The following PACSIN1 variants were observed in gnomAD, a reference collection of about 807,000 sequenced individuals.
PACSIN1 encodes protein kinase C and casein kinase substrate in neurons protein 1.
Under a neutral mutation model 59.5 loss-of-function variants are expected in PACSIN1, and 15 were observed. That is an observed-to-expected ratio of 0.25 (90% CI 0.17 to 0.39). The LOEUF is 0.39. PACSIN1 is among the 10% of genes least tolerant of loss of function. PACSIN1 has a pLI of 1.00. For missense variants in PACSIN1, 420 were observed against 580.2 expected, an observed-to-expected ratio of 0.72 and a Z score of 2.84; for synonymous variants, 210 against 220.6, an observed-to-expected ratio of 0.95 and a Z score of 0.42.
chr6:34,499,704 G>A (rs1366891899), intron 1 of PACSIN1, among the ~76,000 whole-genome samples: 1 of 152,014 alleles, frequency 6.6e-6, no homozygotes, highest in African/African-American at 2.4e-5. Context: ...GCTGAGGCAG[G>A]AGAATTGCTT....
intron 1 of PACSIN1, among the ~76,000 whole-genome samples, chr6:34,501,846 T>G (rs531537954): frequency 5.6e-4 from 85 of 151,978 alleles, no homozygotes; most frequent in Non-Finnish European, 8.5e-4. Context: ...CTGGCTAACA[T>G]GGTGAAACCC....
intron 1 of PACSIN1, among the ~76,000 whole-genome samples, chr6:34,500,846 A>G (rs1410334070): frequency 3.3e-5 from 5 of 152,252 alleles, no homozygotes; most frequent in African/African-American, 7.2e-5. Flanking sequence ...TGCAGCTTCT[A>G]CATCAGCACT....
In PACSIN1 at chr6:34,528,466, G is replaced by C. The variant is rs375818481; in HGVS notation, c.221-176G>C. Among the ~76,000 whole-genome samples, 32 of 152,348 alleles carry C rather than the reference G, an allele frequency of 2.1e-4. No homozygotes were observed. The East Asian group carries it at 5.8e-3, about 28-fold the overall frequency. On this transcript the variant is annotated intron_variant, in intron 3 of 9. Coordinates refer to ENST00000244458, the MANE Select transcript of PACSIN1 (RefSeq NM_020804.5). The stretch of plus-strand genomic sequence containing the variant: ...ATGGCAGGAGGGCAGAGCAGTCAGG[G>C]AAGGCTTCCTGGAGGTGGTGGCTGA...
At chr6:34,524,758 G>A (rs549884705) in intron 1 of PACSIN1, among the ~76,000 whole-genome samples, 1 of 152,268 alleles carries the variant, frequency 6.6e-6, no homozygotes, top group South Asian at 2.1e-4. Flanking sequence ...CCGGGTGAAG[G>A]GTGTGTACCC....
At chr6:34,524,034 T>C (rs1767442119) in intron 1 of PACSIN1, among the ~76,000 whole-genome samples, 1 of 152,072 alleles carries the variant, frequency 6.6e-6, no homozygotes, top group Non-Finnish European at 1.5e-5. Context: ...ACACAGCAGG[T>C]TGGTAGCAGA....
At chr6:34,492,830 G>A (rs1176195722) in intron 1 of PACSIN1, among the ~76,000 whole-genome samples, 1 of 152,256 alleles carries the variant, frequency 6.6e-6, no homozygotes, top group Non-Finnish European at 1.5e-5. Flanking sequence ...GAAGGAGGGA[G>A]CTGTGGGTCA....
intron 1 of PACSIN1, among the ~76,000 whole-genome samples, chr6:34,473,394 C>T (rs565611227): frequency 6.6e-6 from 1 of 152,282 alleles, no homozygotes; most frequent in Non-Finnish European, 1.5e-5. Flanking sequence ...TGCTGCAGGG[C>T]ACTTTAAATG....
intron 1 of PACSIN1, among the ~76,000 whole-genome samples, chr6:34,476,434 C>CCT (rs1241393234): frequency 6.6e-6 from 1 of 152,008 alleles, no homozygotes; most frequent in African/African-American, 2.4e-5. Flanking sequence ...CTCCCTCCCC[C>CCT]CTCCACCAGC....
intron 1 of PACSIN1, among the ~76,000 whole-genome samples, chr6:34,507,975 C>G (rs1456216772): frequency 5.3e-5 from 8 of 152,222 alleles, no homozygotes; most frequent in African/African-American, 1.9e-4. Context: ...ATTGTTTCCA[C>G]ATCTTGGTAA....
In PACSIN1 at chr6:34,532,342, G is replaced by T; in HGVS notation, c.1226-79G>T. On this transcript the variant is annotated intron_variant, in intron 9 of 9. Transcript: ENST00000244458. This position sits in a 1 kb window ranked among gnomAD's most constrained non-coding sequence, Gnocchi z 5.2. ...GTGCAGTAATCAGGAGGTGGGTATT[G>T]GAGGGTTCCCCTAGCAGCCGGTGCG... 1.0e-6 allele frequency: 1 copy of T among 964,508 alleles called. No homozygotes were observed. The highest frequency in any genetic ancestry group is 1.6e-6 in the Non-Finnish European group (1 of 619,678). The allele number at this position is 964,508 out of a possible 1,614,324, so 59.7% of individuals were successfully genotyped here. A position where few individuals can be genotyped will look rare whatever the true frequency, so the allele number is the denominator to read the frequency against.
chr6:34,533,056 T>TA lies in PACSIN1; in HGVS notation c.*527dup, dbSNP rs1767631159. ...CACTCTGCCCCGGGGAGCACCCTTC[T>TA]ACTCCTAGCCACGTCCCTTGGGACC... On this transcript the variant is annotated 3_prime_UTR_variant, in exon 10 of 10. Coordinates refer to ENST00000244458, the MANE Select transcript of PACSIN1 (RefSeq NM_020804.5). 1 of 152,750 alleles carries TA rather than the reference T, an allele frequency of 6.5e-6. No homozygotes were observed. Among genetic ancestry groups the TA allele is most frequent in the African/African-American group, 2.4e-5 (1 of 41,472 alleles). 9.5% of individuals were successfully genotyped at this position (152,750 alleles called of 1,614,324 possible).
intron 1 of PACSIN1, among the ~76,000 whole-genome samples, chr6:34,466,698 C>T (rs910722449): frequency 6.6e-6 from 1 of 152,152 alleles, no homozygotes; most frequent in Non-Finnish European, 1.5e-5. Flanking sequence ...GCAGCTGATG[C>T]CTGTCTGGCT....
Position 34,527,342 on chromosome 6 carries a change from A to G in PACSIN1, c.74A>G (p.Tyr25Cys). 2 of 1,581,650 alleles carry G rather than the reference A, an allele frequency of 1.3e-6. No homozygotes were observed. Among genetic ancestry groups the G allele is most frequent in the Non-Finnish European group, 1.7e-6 (2 of 1,164,740 alleles). Residue 25 changes from tyrosine to cysteine, a missense_variant, in exon 3 of 10, where the codon TAC becomes TGC. By Grantham distance (194) the Tyr-to-Cys change is radical (BLOSUM62 -2). Transcript: ENST00000244458. ...CTGCTTGGCCGCCAGGTGGGGAACTACAAGCGGACCGTGAAGCGCATCGAT... is the reference window on the plus strand; with the variant it reads ...CTGCTTGGCCGCCAGGTGGGGAACTGCAAGCGGACCGTGAAGCGCATCGAT... Reference protein sequence around the residue: ...TTDSFWEVGNYKRTVKRIDDG... With the variant: ...TTDSFWEVGNCKRTVKRIDDG...
At chr6:34,502,139 G>C (rs1767034826) in intron 1 of PACSIN1, among the ~76,000 whole-genome samples, 1 of 151,992 alleles carries the variant, frequency 6.6e-6, no homozygotes, top group Non-Finnish European at 1.5e-5. Flanking sequence ...CTATCTCCTG[G>C]TATTCACACC....
intron 1 of PACSIN1, among the ~76,000 whole-genome samples, chr6:34,513,905 A>G (rs1441118234): frequency 6.6e-6 from 1 of 152,114 alleles, no homozygotes; most frequent in Non-Finnish European, 1.5e-5. Context: ...TTCTACTCCC[A>G]TCCCTGAACC....
chr6:34,479,296 C>G (rs1170368960), intron 1 of PACSIN1, among the ~76,000 whole-genome samples: 1 of 152,122 alleles, frequency 6.6e-6, no homozygotes, highest in Non-Finnish European at 1.5e-5. Flanking sequence ...CCCCCTCAGA[C>G]CTTTCCCCAT....
rs191015733 is a variant in PACSIN1, at chr6:34,484,448, G to C, written c.-64+18178G>C. 6.6e-5 allele frequency among the ~76,000 whole-genome samples: 10 copies of C among 152,282 alleles called. No individual in the cohort carries two copies. The East Asian group carries it at 1.3e-3, about 21-fold the overall frequency. The stretch of plus-strand genomic sequence containing the variant: ...TCAGTAGTTATCAGAGATTGGGGTG[G>C]GGCAGGGAGAGGTAAACAGGTAGAA... On this transcript the variant is annotated intron_variant, in intron 1 of 9. Coordinates refer to ENST00000244458, the MANE Select transcript of PACSIN1 (RefSeq NM_020804.5).
intron 1 of PACSIN1, among the ~76,000 whole-genome samples, chr6:34,474,809 A>G (rs1191396951): frequency 6.6e-6 from 1 of 151,058 alleles, no homozygotes; most frequent in Non-Finnish European, 1.5e-5. Context: ...AAAAAAAAAA[A>G]AAGCCCTATA....
intron 1 of PACSIN1, among the ~76,000 whole-genome samples, chr6:34,497,708 C>A (rs1013056214): frequency 6.6e-6 from 1 of 152,144 alleles, no homozygotes; most frequent in Non-Finnish European, 1.5e-5. Flanking sequence ...GGGGCTGAAC[C>A]CATGGTCAGT....
Sources: gnomAD v4.1 joint callset for allele counts (sites outside exome capture counted in the v4.1 genomes callset) on GRCh38, gnomAD v4.1.1 for gene constraint, Gnocchi (gnomAD v3.1) non-coding constraint, MANE v1.5 for transcripts, NCBI Gene and HGNC (gene_info 2026-07-23, HGNC 2026-07-21) for gene names.